GPR101: variants seen among roughly 807,000 people sequenced by gnomAD.
GPR101 encodes the protein G protein-coupled receptor 101, also known as probable G protein-coupled receptor 101.
GPR101 carries 8 observed loss-of-function variants against 16.4 expected under a neutral mutation model. The ratio of observed to expected loss-of-function variants is 0.49; its 90% confidence interval spans 0.29 to 0.88. The LOEUF is 0.88. Among genes scored for constraint, GPR101 ranks in the 40% least tolerant of loss-of-function variants. The pLI, the probability that GPR101 is intolerant of heterozygous loss-of-function variation, is 0.09. For synonymous variants in GPR101, 155 were observed against 168.7 expected (o/e 0.92, Z 0.63); for missense variants, 375 against 411.7 (o/e 0.91, Z 0.77).
chrX:137,030,169 G>A lies in GPR101; in HGVS notation c.1506C>T (p.Tyr502=), dbSNP rs150021829. 1.1e-4 allele frequency: 132 copies of A among 1,183,838 alleles called. 2 individuals carry two copies. In the Admixed American group the frequency reaches 3.0e-3, roughly 27 times the overall value. The change falls in exon 2 of 2, where the codon TAC becomes TAT. Residue 502 remains tyrosine, a synonymous_variant. Transcript: ENST00000651716. The part of the protein sequence containing the change: ...GGTEGKIVPS[Y]DSATFP ...AACTTCAAGGAAAAGTAGCAGAATCGTAGGAAGGGACAATCTTGCCTTCAG... is the reference window on the plus strand; with the variant it reads ...AACTTCAAGGAAAAGTAGCAGAATCATAGGAAGGGACAATCTTGCCTTCAG...
Position 137,031,502 on chromosome X carries a change from C to A in GPR101, c.173G>T (p.Arg58Leu). The change falls in exon 2 of 2, where the codon CGC (arginine) becomes CTC (leucine). Residue 58 changes from arginine to leucine, a missense_variant. Arg to Leu is a moderately radical substitution (Grantham distance 102). Coordinates refer to ENST00000651716, the MANE Select transcript of GPR101 (RefSeq NM_054021.2). ...GGTCACCTGCAGCAGCTGCGGCTTGCGCTGCAACACTAGCGCCAGCACTAT... is the reference window on the plus strand; with the variant it reads ...GGTCACCTGCAGCAGCTGCGGCTTGAGCTGCAACACTAGCGCCAGCACTAT... ...GNIVLALVLQ[R>L]KPQLLQVTNR... 8.3e-7 allele frequency: 1 copy of A among 1,205,821 alleles called. No homozygotes were observed. Among genetic ancestry groups the A allele is most frequent in the Non-Finnish European group, 1.1e-6 (1 of 892,662 alleles).
In GPR101 at chrX:137,028,095, A is replaced by C. The variant is rs993987511; in HGVS notation, c.*2053T>G. Among the ~76,000 whole-genome samples the C allele has an allele frequency of 8.9e-6, 1 of 112,476 alleles. No individual in the cohort carries two copies. The highest frequency in any genetic ancestry group is 1.9e-5 in the Non-Finnish European group (1 of 53,283). ...AGTTTGGCAATAAATTGGTAGAACA[A>C]ATTTATGACTGTTAATTCACTTTAT... On this transcript the variant is annotated 3_prime_UTR_variant, in exon 2 of 2. Coordinates refer to ENST00000651716, the MANE Select transcript of GPR101 (RefSeq NM_054021.2).
chrX:137,028,844 T>G lies in GPR101; in HGVS notation c.*1304A>C, dbSNP rs533346990. On this transcript the variant is annotated 3_prime_UTR_variant, in exon 2 of 2. Transcript: ENST00000651716. ...TATTTCAACAGCATTAATTAGGATA[T>G]GTCTGATCTGAATGCTCTGATTTTA... is the stretch of plus-strand genomic sequence containing the variant. Among the ~76,000 whole-genome samples, 8 of 112,876 alleles carry G rather than the reference T, an allele frequency of 7.1e-5. No individual in the cohort carries two copies. The highest frequency in any genetic ancestry group is 2.6e-4 in the African/African-American group (8 of 31,154).
rs1466479240 is a variant in GPR101 at position 137,030,030 on chromosome X, G to A, written c.*118C>T. 1 of 599,876 alleles carries A rather than the reference G, an allele frequency of 1.7e-6. No individual in the cohort carries two copies. Among genetic ancestry groups the A allele is most frequent in the Non-Finnish European group, 2.6e-6 (1 of 389,512 alleles). The allele number at this position is 599,876 out of a possible 1,213,427, so 49.4% of individuals were successfully genotyped here. ...ACCTTGTGGTGAAGAGCATGTGTGT[G>A]CAACACCTTTGCCTGAAATGGTATG... On this transcript the variant is annotated 3_prime_UTR_variant, in exon 2 of 2. Transcript: ENST00000651716.
Position 137,024,177 on chromosome X carries a change from C to A in GPR101, c.*5971G>T, listed in dbSNP as rs140095109. On this transcript the variant is annotated 3_prime_UTR_variant, in exon 2 of 2. Transcript: ENST00000651716. ...CAATATGTGAAACCTTGGCCTTGGG[C>A]AGAATCTCTGGGACTGCTGGCCCAT... 1.6e-3 allele frequency among the ~76,000 whole-genome samples: 179 copies of A among 112,326 alleles called. No homozygotes were observed. Among genetic ancestry groups the A allele is most frequent in the African/African-American group, 5.4e-3 (168 of 30,952 alleles).
rs1927260798 is a variant in GPR101, at chrX:137,031,330, G to A, written c.345C>T (p.Ala115=). The A allele has an allele frequency of 8.3e-7, 1 of 1,203,457 alleles. No homozygotes were observed. Among genetic ancestry groups the A allele is most frequent in the African/African-American group, 1.7e-5 (1 of 57,236 alleles). The change falls in exon 2 of 2, where the codon GCC becomes GCT. Residue 115 remains alanine (A), a synonymous_variant. Coordinates refer to ENST00000651716, the MANE Select transcript of GPR101 (RefSeq NM_054021.2). The part of the protein sequence containing the change: ...TALVSLTHLF[A]FASVNTIVVV... ...CGACAATGGTGTTGACGCTGGCGAA[G>A]GCGAACAGGTGGGTGAGGCTAACCA...
rs1474516926 is a variant in GPR101 at position 137,028,811 on chromosome X, A to G, written c.*1337T>C. ...TTTAGATATTGTTAAAGTTTTCCCA[A>G]CGTGATTTATTTCAACAGCATTAAT... On this transcript the variant is annotated 3_prime_UTR_variant, in exon 2 of 2. Transcript: ENST00000651716. 3.5e-5 allele frequency among the ~76,000 whole-genome samples: 4 copies of G among 112,837 alleles called. No homozygotes were observed. Among genetic ancestry groups the G allele is most frequent in the African/African-American group, 9.6e-5 (3 of 31,103 alleles).
In GPR101 at chrX:137,029,034, G is replaced by A. The variant is rs1336278167; in HGVS notation, c.*1114C>T. Among the ~76,000 whole-genome samples, 1 of 112,151 alleles carries A rather than the reference G, an allele frequency of 8.9e-6. No homozygotes were observed. The highest frequency in any genetic ancestry group is 1.9e-5 in the Non-Finnish European group (1 of 53,196). On this transcript the variant is annotated 3_prime_UTR_variant, in exon 2 of 2. Coordinates refer to ENST00000651716, the MANE Select transcript of GPR101 (RefSeq NM_054021.2). ...TGGGTGTGCCTGGAGGAAGAAAAAT[G>A]TTCATTCTGCCTTCCTTGCTCCCCA...
chrX:137,030,876 C>G lies in GPR101; in HGVS notation c.799G>C (p.Glu267Gln). The G allele has an allele frequency of 1.7e-6, 2 of 1,211,684 alleles. No individual in the cohort carries two copies. The highest frequency in any genetic ancestry group is 2.2e-6 in the Non-Finnish European group (2 of 895,510). Residue 267 changes from glutamate to glutamine, a missense_variant, in exon 2 of 2, where the codon GAA becomes CAA. Transcript: ENST00000651716. ...CCCTCCTTGGCCTTGACCTCACCTT[C>G]ATGCTGGCGGCGAAACTCACTCTCA... ...QDESEFRRQH[E>Q]GEVKAKEGRM...
intron 1 of GPR101, among the ~76,000 whole-genome samples, chrX:137,032,260 A>C (rs1927282624): frequency 9.1e-6 from 1 of 110,151 alleles, no homozygotes; most frequent in Non-Finnish European, 1.9e-5. Flanking sequence ...TAGCACGTGC[A>C]CGCTGTCTCT....
chrX:137,033,334 CTG>C (rs373636419), intron 1 of GPR101, among the ~76,000 whole-genome samples: 1 of 107,760 alleles, frequency 9.3e-6, no homozygotes, highest in African/African-American at 3.4e-5. Context: ...GCGAGAGAGA[CTG>C]AGAGGCAGAG....
chrX:137,032,849 G>A (rs982624682), intron 1 of GPR101, among the ~76,000 whole-genome samples: 11 of 110,069 alleles, frequency 1.0e-4, no homozygotes, highest in African/African-American at 3.7e-4. Context: ...TCTTTAGTGT[G>A]TGCACTCTCT....
Position 137,030,916 on chromosome X carries a change from C to T in GPR101, c.759G>A (p.Lys253=), listed in dbSNP as rs776660370. 20 of 1,210,205 alleles carry T rather than the reference C, an allele frequency of 1.7e-5. No homozygotes were observed. The highest frequency in any genetic ancestry group is 2.2e-5 in the Non-Finnish European group (20 of 895,333). Residue 253 remains lysine, a synonymous_variant, in exon 2 of 2, where the codon AAG becomes AAA. Coordinates refer to ENST00000651716, the MANE Select transcript of GPR101 (RefSeq NM_054021.2). ...ACTCACTCTCATCCTGGAACTCCTC[C>T]TTCTTCTCTGCTCCCTCTTCATCCT... is the stretch of plus-strand genomic sequence containing the variant. ...ENEDEEGAEK[K]EEFQDESEFR...
At position 137,028,002 on chromosome X, in the gene GPR101, C is replaced by A. The variant is rs1569453876; in HGVS notation, c.*2146G>T. Among the ~76,000 whole-genome samples, 1 of 112,389 alleles carries A rather than the reference C, an allele frequency of 8.9e-6. No homozygotes were observed. Among genetic ancestry groups the A allele is most frequent in the Non-Finnish European group, 1.9e-5 (1 of 53,269 alleles). ...CAGACCTGAAGGCACTGCCCCTCCC[C>A]TGTAGGAGGATTGATCACATAGGCC... On this transcript the variant is annotated 3_prime_UTR_variant, in exon 2 of 2. Transcript: ENST00000651716.
chrX:137,024,828 G>A lies in GPR101; in HGVS notation c.*5320C>T, dbSNP rs1927144743. Among the ~76,000 whole-genome samples the A allele has an allele frequency of 1.8e-5, 2 of 111,930 alleles. No individual in the cohort carries two copies. The highest frequency in any genetic ancestry group is 3.3e-5 in the African/African-American group (1 of 30,766). ...TGGTCACATTATGGATCTGCCAAGC[G>A]CGAAACCTGTCAGTTCACGGTCAGG... is the stretch of plus-strand genomic sequence containing the variant. On this transcript the variant is annotated 3_prime_UTR_variant, in exon 2 of 2. Coordinates refer to ENST00000651716, the MANE Select transcript of GPR101 (RefSeq NM_054021.2).
intron 1 of GPR101, among the ~76,000 whole-genome samples, chrX:137,033,441 G>C (rs936357681): frequency 9.1e-6 from 1 of 109,396 alleles, no homozygotes; most frequent in Non-Finnish European, 1.9e-5. Flanking sequence ...AAAGAAAAAA[G>C]AAGAAATGGG....
chrX:137,030,560 A>C lies in GPR101; in HGVS notation c.1115T>G (p.Ile372Ser), dbSNP rs201448395. The change falls in exon 2 of 2, where the codon ATC becomes AGC. Residue 372 changes from isoleucine to serine, a missense_variant. Coordinates refer to ENST00000651716, the MANE Select transcript of GPR101 (RefSeq NM_054021.2). ...FSEDDVEAVN[I>S]PESLPPSRRN... ...ACGACTGGGTGGGAGGCTCTCCGGG[A>C]TGTTCACTGCCTCGACGTCATCCTC... 1 of 1,208,855 alleles carries C rather than the reference A, an allele frequency of 8.3e-7. No homozygotes were observed. The highest frequency in any genetic ancestry group is 1.8e-5 in the African/African-American group (1 of 56,833).
intron 1 of GPR101, among the ~76,000 whole-genome samples, chrX:137,033,238 G>A (rs1927301816): frequency 9.1e-6 from 1 of 109,577 alleles, no homozygotes; most frequent in African/African-American, 3.3e-5. Context: ...TGGTGTCGGT[G>A]ACAGCCGAGG....
chrX:137,028,255 G>C lies in GPR101; in HGVS notation c.*1893C>G, dbSNP rs1423401707. 8.9e-6 allele frequency among the ~76,000 whole-genome samples: 1 copy of C among 111,956 alleles called. No individual in the cohort carries two copies. Among genetic ancestry groups the C allele is most frequent in the Non-Finnish European group, 1.9e-5 (1 of 53,189 alleles). On this transcript the variant is annotated 3_prime_UTR_variant, in exon 2 of 2. Transcript: ENST00000651716. ...CATGGTATTTTTATTGGATGGGTCA[G>C]CTCTATATTATTTGGTTCTATTCCC...
Sources: gnomAD v4.1 joint callset for allele counts (sites outside exome capture counted in the v4.1 genomes callset) on GRCh38, gnomAD v4.1.1 for gene constraint, MANE v1.5 for transcripts, NCBI Gene and HGNC (gene_info 2026-07-23, HGNC 2026-07-21) for gene names.